Variants in SUSD6 observed in about 807,000 individuals in gnomAD.
SUSD6 encodes sushi domain-containing protein 6.
In SUSD6, 16 loss-of-function variants were observed where a neutral mutation model predicts 28.4. That is an observed-to-expected ratio of 0.56 (90% CI 0.38 to 0.86). SUSD6 has a LOEUF of 0.86. SUSD6 is among the 40% of genes least tolerant of loss of function. The probability of loss-of-function intolerance (pLI) is 0.00; values close to 1 mark genes in which losing one functional copy is unlikely to be tolerated. For missense variants in SUSD6, 341 were observed against 384.2 expected, an observed-to-expected ratio of 0.89 and a Z score of 0.94; for synonymous variants, 147 against 159.6, an observed-to-expected ratio of 0.92 and a Z score of 0.59.
chr14:69,658,803 G>C, intron 2 of SUSD6, 90 bp downstream of exon 2: 1 of 1,567,134 alleles, frequency 6.4e-7, no homozygotes. Flanking sequence ...CTCTCCTCCT[G>C]GCAGGCGGTT....
intron 2 of SUSD6, among the ~76,000 whole-genome samples, chr14:69,679,452 A>G (rs1310251982): frequency 2.6e-5 from 4 of 152,204 alleles, no homozygotes; most frequent in Non-Finnish European, 5.9e-5. Flanking sequence ...GTAACACACA[A>G]ATTCTTTGGG....
intron 1 of SUSD6, among the ~76,000 whole-genome samples, chr14:69,655,217 A>G (rs1173361041): frequency 6.6e-6 from 1 of 152,118 alleles, no homozygotes; most frequent in East Asian, 1.9e-4. Context: ...CTAATTTTAG[A>G]AGTCATTCCA....
At chr14:69,632,633 A>G (rs1035936538) in intron 1 of SUSD6, among the ~76,000 whole-genome samples, 2 of 149,346 alleles carry the variant, frequency 1.3e-5, no homozygotes, top group African/African-American at 2.5e-5. Context: ...TGAGAATTAC[A>G]GGAAATCACA....
At chr14:69,674,061 A>G (rs1361324892) in intron 2 of SUSD6, among the ~76,000 whole-genome samples, 1 of 152,218 alleles carries the variant, frequency 6.6e-6, no homozygotes, top group African/African-American at 2.4e-5. Flanking sequence ...GTGAAACTAG[A>G]GACAAGTTTG....
chr14:69,666,610 A>G (rs897288874), intron 2 of SUSD6, among the ~76,000 whole-genome samples: 5 of 152,076 alleles, frequency 3.3e-5, no homozygotes, highest in African/African-American at 9.7e-5. Flanking sequence ...TCGTAGCTAT[A>G]TTGGTATTTC....
intron 2 of SUSD6, among the ~76,000 whole-genome samples, chr14:69,672,183 A>G (rs554041982): frequency 2.4e-4 from 37 of 152,218 alleles, no homozygotes; most frequent in Non-Finnish European, 5.0e-4. Context: ...CAAGTTTCCA[A>G]CAAACCCCCA....
At chr14:69,705,050 T>C (rs1327221638) in intron 4 of SUSD6, among the ~76,000 whole-genome samples, 1 of 152,110 alleles carries the variant, frequency 6.6e-6, no homozygotes. Flanking sequence ...GCGCGGTGGC[T>C]CATGCCTGTA....
intron 2 of SUSD6, among the ~76,000 whole-genome samples, chr14:69,700,794 C>G (rs1048827460): frequency 2.0e-5 from 3 of 152,202 alleles, no homozygotes; most frequent in Non-Finnish European, 4.4e-5. Context: ...ATGGTAGAAA[C>G]TGGTGCAGTG....
chr14:69,713,376 C>G lies in SUSD6; in HGVS notation c.*2397C>G, dbSNP rs1209700528. ...AGCCTTGGCTCCCCTCTCGTCTCCT[C>G]CCCTCCTTCTTGTCACTGGCTTTGA... is the stretch of plus-strand genomic sequence containing the variant. On this transcript the variant is annotated 3_prime_UTR_variant, in exon 6 of 6. Coordinates refer to ENST00000342745, the MANE Select transcript of SUSD6 (RefSeq NM_014734.4). 6.6e-6 allele frequency: 1 copy of G among 152,386 alleles called. No homozygotes were observed. Among genetic ancestry groups the G allele is most frequent in the African/African-American group, 2.4e-5 (1 of 41,462 alleles). 9.4% of individuals were successfully genotyped at this position (152,386 alleles called of 1,614,324 possible).
chr14:69,676,680 C>T (rs947446856), intron 2 of SUSD6, among the ~76,000 whole-genome samples: 19 of 152,210 alleles, frequency 1.2e-4, no homozygotes, highest in African/African-American at 4.3e-4. Context: ...TAGGCATGAG[C>T]CACCGCCCAC....
intron 2 of SUSD6, among the ~76,000 whole-genome samples, chr14:69,700,081 C>G (rs1397325229): frequency 2.6e-5 from 4 of 152,194 alleles, no homozygotes; most frequent in African/African-American, 9.6e-5. Context: ...AGCCTCCACT[C>G]TGAACACACC....
intron 1 of SUSD6, among the ~76,000 whole-genome samples, chr14:69,635,638 CACACAT>C (rs1566591566): frequency 7.3e-6 from 1 of 136,582 alleles, no homozygotes; most frequent in East Asian, 2.1e-4. Context: ...CACACACACA[CACACAT>C]TTTCACCTCC....
intron 4 of SUSD6, among the ~76,000 whole-genome samples, chr14:69,704,968 A>C (rs948817884): frequency 3.3e-5 from 5 of 152,204 alleles, no homozygotes; most frequent in Non-Finnish European, 5.9e-5. Context: ...AGATGAGGAA[A>C]TTGAGGCTCA....
chr14:69,635,570 C>T (rs1311445829), intron 1 of SUSD6, among the ~76,000 whole-genome samples: 1 of 151,300 alleles, frequency 6.6e-6, no homozygotes, highest in East Asian at 1.9e-4. Flanking sequence ...GTCATCTCCT[C>T]TGCCCCCACT....
chr14:69,679,219 G>C (rs1885962415), intron 2 of SUSD6, among the ~76,000 whole-genome samples: 3 of 152,158 alleles, frequency 2.0e-5, no homozygotes, highest in South Asian at 4.1e-4. Context: ...GGATTGACAG[G>C]GTTGAAATTA....
intron 1 of SUSD6, among the ~76,000 whole-genome samples, chr14:69,615,283 G>A (rs1226899913): frequency 1.3e-5 from 2 of 152,150 alleles, no homozygotes; most frequent in East Asian, 1.9e-4. Flanking sequence ...CTGTCCTTGC[G>A]CGTCAAGATC....
At chr14:69,705,299 C>T (rs1287876282) in intron 4 of SUSD6, among the ~76,000 whole-genome samples, 7 of 147,502 alleles carry the variant, frequency 4.7e-5, no homozygotes, top group Non-Finnish European at 1.0e-4. Context: ...GTCTGGGAGA[C>T]AGAGTAAGAC....
At chr14:69,627,949 T>C (rs1483846545) in intron 1 of SUSD6, among the ~76,000 whole-genome samples, 2 of 152,034 alleles carry the variant, frequency 1.3e-5, no homozygotes, top group African/African-American at 4.8e-5. Context: ...TTTTTTTTTT[T>C]TTGAGATGGA....
chr14:69,671,153 A>G (rs1290533575), intron 2 of SUSD6, among the ~76,000 whole-genome samples: 1 of 151,804 alleles, frequency 6.6e-6, no homozygotes, highest in Non-Finnish European at 1.5e-5. Flanking sequence ...AGGAGGAGGA[A>G]GAAGAGAAAC....
Sources: gnomAD v4.1 joint callset for allele counts (sites outside exome capture counted in the v4.1 genomes callset) on GRCh38, gnomAD v4.1.1 for gene constraint, MANE v1.5 for transcripts, NCBI Gene and HGNC (gene_info 2026-07-23, HGNC 2026-07-21) for gene names.